The following PDGFC variants were observed in gnomAD, a reference collection of about 807,000 sequenced individuals.
PDGFC encodes the protein platelet-derived growth factor C.
A neutral mutation model predicts 35.5 loss-of-function variants in PDGFC; 12 were observed. The observed-to-expected ratio is 0.34, with a 90% CI of 0.22 to 0.55. The LOEUF is 0.55. Ranked by LOEUF, PDGFC falls within the 20% of genes least tolerant of loss-of-function variation. PDGFC has a pLI of 0.91. For synonymous variants in PDGFC, 159 were observed against 148.8 expected, an observed-to-expected ratio of 1.07 and a Z score of -0.50; for missense variants, 322 against 412.4, an observed-to-expected ratio of 0.78 and a Z score of 1.90.
intron 3 of PDGFC, among the ~76,000 whole-genome samples, chr4:156,797,301 C>CA (rs531403412): frequency 1.4e-3 from 213 of 151,380 alleles, no homozygotes; most frequent in African/African-American, 4.7e-3. Context: ...CTTAATTGAG[C>CA]AAAAAAATAC....
At chr4:156,944,767 G>A (rs1390592244) in intron 1 of PDGFC, among the ~76,000 whole-genome samples, 1 of 152,122 alleles carries the variant, frequency 6.6e-6, no homozygotes, top group Non-Finnish European at 1.5e-5. Context: ...TCTGGCCTAA[G>A]TCACTATCAC....
At chr4:156,784,100 T>C (rs1731054953) in intron 3 of PDGFC, among the ~76,000 whole-genome samples, 1 of 152,230 alleles carries the variant, frequency 6.6e-6, no homozygotes, top group Non-Finnish European at 1.5e-5. Context: ...GCAAACATTT[T>C]TGTGGCATTA....
chr4:156,796,144 T>C lies in PDGFC; in HGVS notation c.495+14693A>G, dbSNP rs377364337. 1.4e-4 allele frequency among the ~76,000 whole-genome samples: 21 copies of C among 152,232 alleles called. No homozygotes were observed. In the South Asian group the frequency reaches 4.3e-3, roughly 32 times the overall value. On this transcript the variant is annotated intron_variant, in intron 3 of 5. Transcript: ENST00000502773. ...AGAGTTTTAGATAAAGATTATAAAA[T>C]CACCTACTTCAGAAAAAAAGTTTTC...
At chr4:156,942,627 A>T (rs578220113) in intron 1 of PDGFC, among the ~76,000 whole-genome samples, 38 of 150,552 alleles carry the variant, frequency 2.5e-4, no homozygotes, top group African/African-American at 9.0e-4. Context: ...ACCAAGACCT[A>T]AAACAGACAA....
At chr4:156,862,960 T>C (rs1729751857) in intron 1 of PDGFC, among the ~76,000 whole-genome samples, 1 of 152,138 alleles carries the variant, frequency 6.6e-6, no homozygotes, top group South Asian at 2.1e-4. Flanking sequence ...CCCAAAGTAC[T>C]TGGATTATAG....
intron 1 of PDGFC, among the ~76,000 whole-genome samples, chr4:156,944,303 A>G (rs1214838571): frequency 6.6e-6 from 1 of 152,116 alleles, no homozygotes; most frequent in Non-Finnish European, 1.5e-5. Flanking sequence ...TGTCTTAGCT[A>G]TATTTATCAC....
intron 1 of PDGFC, among the ~76,000 whole-genome samples, chr4:156,965,467 A>T (rs970241132): frequency 2.6e-5 from 4 of 152,116 alleles, no homozygotes; most frequent in African/African-American, 9.7e-5. Context: ...GTACTACATA[A>T]TTAATTAATT....
chr4:156,848,431 C>T (rs1362643288), intron 2 of PDGFC, among the ~76,000 whole-genome samples: 3 of 151,842 alleles, frequency 2.0e-5, no homozygotes, highest in African/African-American at 7.2e-5. Context: ...TTTTATTGCT[C>T]TTTTGCACAA....
intron 3 of PDGFC, among the ~76,000 whole-genome samples, chr4:156,795,367 G>A (rs549102478): frequency 6.6e-6 from 1 of 152,004 alleles, no homozygotes; most frequent in Non-Finnish European, 1.5e-5. Flanking sequence ...GCATTAAAAG[G>A]TATCTTTAAG....
chr4:156,840,698 T>C (rs1729180742), intron 2 of PDGFC, among the ~76,000 whole-genome samples: 1 of 152,074 alleles, frequency 6.6e-6, no homozygotes, highest in African/African-American at 2.4e-5. Flanking sequence ...ATGCTAGCCT[T>C]TGAGAGCAGC....
intron 1 of PDGFC, among the ~76,000 whole-genome samples, chr4:156,952,043 C>G (rs1202340432): frequency 6.6e-6 from 1 of 151,784 alleles, no homozygotes; most frequent in East Asian, 1.9e-4. Context: ...TTAATATGTA[C>G]ACTAAAACAA....
At chr4:156,784,520 G>A (rs559800457) in intron 3 of PDGFC, among the ~76,000 whole-genome samples, 5 of 152,206 alleles carry the variant, frequency 3.3e-5, no homozygotes, top group South Asian at 2.1e-4. Flanking sequence ...AAAGGGGGCC[G>A]TTAAAAAGCA....
At chr4:156,792,087 A>T (rs1340328636) in intron 3 of PDGFC, among the ~76,000 whole-genome samples, 1 of 152,216 alleles carries the variant, frequency 6.6e-6, no homozygotes, top group African/African-American at 2.4e-5. Context: ...CCCAAGGTCC[A>T]AGGAAAACGC....
chr4:156,967,011 A>C (rs750021690), intron 1 of PDGFC, among the ~76,000 whole-genome samples: 19 of 151,030 alleles, frequency 1.3e-4, no homozygotes, highest in Non-Finnish European at 2.4e-4. Flanking sequence ...GCAGAGAACC[A>C]GGAGGAAGTT....
At chr4:156,793,561 A>C (rs1168465594) in intron 3 of PDGFC, among the ~76,000 whole-genome samples, 3 of 139,490 alleles carry the variant, frequency 2.2e-5, no homozygotes, top group Non-Finnish European at 4.5e-5. Flanking sequence ...ATATATATAT[A>C]TAAAACACTT....
At chr4:156,871,992 A>T (rs1323377689) in intron 1 of PDGFC, among the ~76,000 whole-genome samples, 1 of 152,092 alleles carries the variant, frequency 6.6e-6, no homozygotes. Flanking sequence ...CAATAAAGCA[A>T]TGGCAAATTT....
intron 3 of PDGFC, among the ~76,000 whole-genome samples, chr4:156,794,032 T>C (rs979464075): frequency 6.6e-6 from 1 of 152,188 alleles, no homozygotes; most frequent in Non-Finnish European, 1.5e-5. Flanking sequence ...ACTGTTAACA[T>C]GGATGATATA....
intron 1 of PDGFC, among the ~76,000 whole-genome samples, chr4:156,968,040 A>C (rs927950179): frequency 3.9e-5 from 6 of 152,228 alleles, no homozygotes; most frequent in Non-Finnish European, 8.8e-5. Flanking sequence ...TGTAAATGAC[A>C]CTAACCCTTC....
intron 3 of PDGFC, among the ~76,000 whole-genome samples, chr4:156,786,614 G>A (rs560301332): frequency 3.4e-4 from 52 of 152,264 alleles, no homozygotes; most frequent in Admixed American, 1.4e-3. Context: ...TGTAGGTCAC[G>A]GTGAGGATTA....
Sources: gnomAD v4.1 joint callset for allele counts (sites outside exome capture counted in the v4.1 genomes callset) on GRCh38, gnomAD v4.1.1 for gene constraint, MANE v1.5 for transcripts, NCBI Gene and HGNC (gene_info 2026-07-23, HGNC 2026-07-21) for gene names.